The following MICAL2 variants were observed in gnomAD, a reference collection of about 807,000 sequenced individuals.
The protein encoded by MICAL2 is [F-actin]-monooxygenase MICAL2.
A neutral mutation model predicts 127.3 loss-of-function variants in MICAL2; 77 were observed. The observed-to-expected ratio is 0.60, with a 90% confidence interval of 0.50 to 0.73. The LOEUF (loss-of-function observed/expected upper bound fraction) is 0.73, where lower values mean the gene tolerates loss of function less well. Among genes scored for constraint, MICAL2 ranks in the 30% least tolerant of loss-of-function variants. MICAL2 has a pLI of 0.00. For synonymous variants in MICAL2, 570 were observed against 551.1 expected, an observed-to-expected ratio of 1.03 and a Z score of -0.48; for missense variants, 1,351 against 1,434.4, an observed-to-expected ratio of 0.94 and a Z score of 0.94.
At chr11:12,242,549 C>T (rs1565233770) in intron 19 of MICAL2, 117 bp downstream of exon 19, 1 of 1,432,244 alleles carries the variant, frequency 7.0e-7, no homozygotes, top group East Asian at 2.3e-5. Context: ...GTCTCTCATC[C>T]TGCTGTGTGT....
At chr11:12,331,162 T>C (rs889586979) in intron 32 of MICAL2, among the ~76,000 whole-genome samples, 12 of 152,162 alleles carry the variant, frequency 7.9e-5, no homozygotes, top group Admixed American at 2.6e-4. Context: ...CAGTGTTACA[T>C]ACTAGGGGCA....
At chr11:12,163,263 C>A (rs1855056412) in intron 3 of MICAL2, among the ~76,000 whole-genome samples, 1 of 152,230 alleles carries the variant, frequency 6.6e-6, no homozygotes, top group African/African-American at 2.4e-5. Context: ...TCTCAGCTGA[C>A]TTCCCTGGTG....
At chr11:12,201,328 T>G (rs942972972) in intron 3 of MICAL2, among the ~76,000 whole-genome samples, 1 of 152,022 alleles carries the variant, frequency 6.6e-6, no homozygotes, top group Admixed American at 6.5e-5. Context: ...TTGTTTGCAC[T>G]GTCCCTTTGG....
chr11:12,222,125 G>T (rs1034554015), intron 10 of MICAL2, among the ~76,000 whole-genome samples: 71 of 152,304 alleles, frequency 4.7e-4, no homozygotes, highest in African/African-American at 1.4e-3. Flanking sequence ...GATGGGGGTT[G>T]GATTCTCTGG....
At chr11:12,225,573 C>G (rs56126814) in intron 13 of MICAL2, 1 of 152,756 alleles carries the variant, frequency 6.5e-6, no homozygotes, top group Non-Finnish European at 1.5e-5. Flanking sequence ...TGGCAACCTC[C>G]GCCTCCCAGG....
At chr11:12,148,887 T>C (rs11022211) in intron 2 of MICAL2, among the ~76,000 whole-genome samples, 3,419 of 152,310 alleles carry the variant, frequency 0.022, 127 homozygotes, top group African/African-American at 0.078. Context: ...CAGGCGTCAC[T>C]GTGTTTCATC....
chr11:12,153,386 C>G (rs1463178817), intron 2 of MICAL2: 2 of 152,162 alleles, frequency 1.3e-5, no homozygotes, highest in Non-Finnish European at 2.9e-5. Flanking sequence ...TAAGTACATT[C>G]ATGTTGTTAT....
intron 15 of MICAL2, among the ~76,000 whole-genome samples, chr11:12,232,170 G>C (rs182231565): frequency 3.9e-5 from 6 of 152,322 alleles, no homozygotes; most frequent in Admixed American, 6.5e-5. Context: ...GAAGATGCTT[G>C]TTTTCTCAAA....
chr11:12,347,467 G>A (rs1012664938), intron 32 of MICAL2, among the ~76,000 whole-genome samples: 1 of 152,126 alleles, frequency 6.6e-6, no homozygotes, highest in Admixed American at 6.5e-5. Context: ...CCAACACATA[G>A]GAGGTGTCTG....
chr11:12,111,834 A>G (rs563415548), intron 1 of MICAL2, among the ~76,000 whole-genome samples: 199 of 152,210 alleles, frequency 1.3e-3, no homozygotes, highest in South Asian at 5.6e-3. Context: ...ACCTGCACTT[A>G]CTCTGTCCTG....
intron 2 of MICAL2, among the ~76,000 whole-genome samples, chr11:12,147,952 G>A (rs1853125008): frequency 6.6e-6 from 1 of 152,202 alleles, no homozygotes; most frequent in South Asian, 2.1e-4. Flanking sequence ...CAGGTTTGGT[G>A]AGCTTAGGCA....
intron 13 of MICAL2, among the ~76,000 whole-genome samples, chr11:12,225,957 G>A (rs1246815895): frequency 2.0e-5 from 3 of 152,138 alleles, no homozygotes; most frequent in Non-Finnish European, 4.4e-5. Context: ...CAGCAATAAC[G>A]TCATCATGGC....
chr11:12,241,478 C>G (rs1440672481), intron 18 of MICAL2, among the ~76,000 whole-genome samples: 2 of 152,158 alleles, frequency 1.3e-5, no homozygotes, highest in African/African-American at 2.4e-5. Context: ...TATCTGCAGA[C>G]CATTCAAATA....
At chr11:12,251,487 C>T (rs1463097996) in intron 22 of MICAL2, among the ~76,000 whole-genome samples, 1 of 148,302 alleles carries the variant, frequency 6.7e-6, no homozygotes, top group East Asian at 2.0e-4. Context: ...TGGTCTACCT[C>T]TTGGTGATTC....
Position 12,208,256 on chromosome 11 carries a change from T to C in MICAL2, c.589+117T>C, listed in dbSNP as rs1854981153. On this transcript the variant is annotated intron_variant, in intron 5 of 27. Transcript: ENST00000683283. ...TATTCTTACTGGGAGCTGGTTGGCA[T>C]AATGCCACTGAAGGGTATTTTACTG... is the stretch of plus-strand genomic sequence containing the variant. 9.0e-6 allele frequency: 7 copies of C among 776,142 alleles called. 1 individual carries two copies. The South Asian group carries it at 1.0e-4, about 11-fold the overall frequency. The allele number at this position is 776,142 out of a possible 1,614,324, so 48.1% of individuals were successfully genotyped here. A position where few individuals can be genotyped will look rare whatever the true frequency, so the allele number is the denominator to read the frequency against.
chr11:12,327,084 C>T (rs1420513606), intron 31 of MICAL2: 4 of 1,198,958 alleles, frequency 3.3e-6, no homozygotes, highest in Non-Finnish European at 4.8e-6. Context: ...GAAAGGGCCT[C>T]TTTCTCCTGG....
intron 1 of MICAL2, among the ~76,000 whole-genome samples, chr11:12,131,389 C>G (rs1371781511): frequency 2.0e-5 from 3 of 152,142 alleles, no homozygotes; most frequent in Non-Finnish European, 1.5e-5. Flanking sequence ...GACCAGCTCC[C>G]CCTTCTCATC....
intron 32 of MICAL2, among the ~76,000 whole-genome samples, chr11:12,349,047 A>G (rs1023757562): frequency 6.6e-6 from 1 of 152,104 alleles, no homozygotes; most frequent in African/African-American, 2.4e-5. Context: ...TGCGTATGGG[A>G]CCCTCCAGGA....
At position 12,120,795 on chromosome 11, in the gene MICAL2, G is replaced by A. The variant is rs935619928; in HGVS notation, c.-149+10069G>A. Among the ~76,000 whole-genome samples, 11 of 152,190 alleles carry A rather than the reference G, an allele frequency of 7.2e-5. No homozygotes were observed. In the South Asian group the frequency reaches 8.3e-4, roughly 11 times the overall value. ...TGGAGAGCCCTGAGTTCTGGGGGCG[G>A]TGTGGGTGTGGACTGAACCCAGCGG... On this transcript the variant is annotated intron_variant, in intron 1 of 27. Transcript: ENST00000683283.
Sources: gnomAD v4.1 joint callset for allele counts (sites outside exome capture counted in the v4.1 genomes callset) on GRCh38, gnomAD v4.1.1 for gene constraint, MANE v1.5 for transcripts, NCBI Gene and HGNC (gene_info 2026-07-23, HGNC 2026-07-21) for gene names.